RGL1: variants seen among roughly 807,000 people sequenced by gnomAD.
RGL1 encodes the protein ral guanine nucleotide dissociation stimulator-like 1.
A neutral mutation model predicts 95.2 loss-of-function variants in RGL1; 24 were observed. That is an observed-to-expected ratio of 0.25 (90% CI 0.18 to 0.35). The LOEUF is 0.35. Ranked by LOEUF, RGL1 falls within the 10% of genes least tolerant of loss-of-function variation. RGL1 has a pLI of 1.00. For synonymous variants in RGL1, 329 were observed against 344.9 expected, an observed-to-expected ratio of 0.95 and a Z score of 0.51; for missense variants, 715 against 936.3, an observed-to-expected ratio of 0.76 and a Z score of 3.08.
intron 2 of RGL1, among the ~76,000 whole-genome samples, chr1:183,823,913 G>A (rs969624337): frequency 2.6e-5 from 4 of 152,000 alleles, no homozygotes; most frequent in Admixed American, 6.6e-5. Flanking sequence ...CAGCCTCCTG[G>A]ATGGCTAGGA....
chr1:183,685,966 A>T (rs1315549492), intron 1 of RGL1, among the ~76,000 whole-genome samples: 1 of 152,192 alleles, frequency 6.6e-6, no homozygotes, highest in Non-Finnish European at 1.5e-5. Flanking sequence ...ATATTTATTC[A>T]ATTCATATTT....
intron 2 of RGL1, among the ~76,000 whole-genome samples, chr1:183,756,136 C>T (rs113394898): frequency 4.0e-5 from 6 of 151,594 alleles, no homozygotes; most frequent in African/African-American, 1.2e-4. Flanking sequence ...CCACCCGTCT[C>T]GGCCTCCCAA....
chr1:183,695,531 G>A (rs903816505), intron 1 of RGL1, among the ~76,000 whole-genome samples: 2 of 152,202 alleles, frequency 1.3e-5, no homozygotes, highest in African/African-American at 4.8e-5. Flanking sequence ...GCTATGGAAT[G>A]TATATTTTAT....
intron 1 of RGL1, among the ~76,000 whole-genome samples, chr1:183,675,440 T>C (rs1265839333): frequency 1.4e-5 from 2 of 141,706 alleles, no homozygotes; most frequent in Non-Finnish European, 3.1e-5. Context: ...TTGGAACATA[T>C]CTAAGGCTTT....
chr1:183,781,036 G>A (rs1356862430), intron 2 of RGL1, among the ~76,000 whole-genome samples: 2 of 152,118 alleles, frequency 1.3e-5, no homozygotes, highest in Non-Finnish European at 2.9e-5. Flanking sequence ...CCTTTCCATT[G>A]GCCAGAGGGA....
chr1:183,665,857 C>T (rs1651988585), intron 1 of RGL1, among the ~76,000 whole-genome samples: 1 of 151,968 alleles, frequency 6.6e-6, no homozygotes, highest in Admixed American at 6.6e-5. Flanking sequence ...TGATTTTCTC[C>T]ATTGTTTTTC....
intron 2 of RGL1, among the ~76,000 whole-genome samples, chr1:183,820,059 T>A (rs1057439981): frequency 6.6e-6 from 1 of 152,122 alleles, no homozygotes; most frequent in African/African-American, 2.4e-5. Flanking sequence ...AGTGCTGGGA[T>A]TACAGGCGTG....
chr1:183,694,515 G>A (rs1390772654), intron 1 of RGL1, among the ~76,000 whole-genome samples: 1 of 152,128 alleles, frequency 6.6e-6, no homozygotes, highest in Non-Finnish European at 1.5e-5. Context: ...GCCAACCCTA[G>A]TCACAACCCT....
chr1:183,861,919 C>G (rs1665532927), intron 3 of RGL1, among the ~76,000 whole-genome samples: 1 of 152,192 alleles, frequency 6.6e-6, no homozygotes, highest in Non-Finnish European at 1.5e-5. Context: ...AGGAAAACAT[C>G]AAAGGAACCT....
At position 183,899,598 on chromosome 1, in the gene RGL1, C is replaced by T. The variant is rs181799271; in HGVS notation, c.1231-552C>T. 4.1e-3 allele frequency among the ~76,000 whole-genome samples: 631 copies of T among 152,298 alleles called. 6 individuals carry two copies. Among genetic ancestry groups the T allele is most frequent in the African/African-American group, 0.014 (569 of 41,552 alleles). On this transcript the variant is annotated intron_variant, in intron 10 of 17. Coordinates refer to ENST00000360851, the MANE Select transcript of RGL1 (RefSeq NM_001297671.3). The stretch of plus-strand genomic sequence containing the variant: ...ATCTGGTGTCATGTTGATGGTGACA[C>T]GAATGATGTTGATCTTTATTACTTG...
chr1:183,884,471 T>TAAA (rs1667003322), intron 6 of RGL1, among the ~76,000 whole-genome samples: 1 of 152,206 alleles, frequency 6.6e-6, no homozygotes, highest in Non-Finnish European at 1.5e-5. Context: ...GTGGTGGCTT[T>TAAA]AGCTCTTCTG....
chr1:183,832,966 G>T (rs868825088), intron 2 of RGL1, among the ~76,000 whole-genome samples: 46 of 152,244 alleles, frequency 3.0e-4, no homozygotes, highest in African/African-American at 1.1e-3. Flanking sequence ...CAACCAGCTG[G>T]AAGAGTAATG....
intron 4 of RGL1, among the ~76,000 whole-genome samples, chr1:183,878,437 A>G (rs1572542792): frequency 1.3e-5 from 2 of 152,230 alleles, no homozygotes; most frequent in East Asian, 3.9e-4. Flanking sequence ...GGCTCAAGCA[A>G]TAATCCTGTC....
At chr1:183,752,706 T>TCTCTCTCTCTCTCTCTATC (rs58775038) in intron 2 of RGL1, among the ~76,000 whole-genome samples, 1 of 110,146 alleles carries the variant, frequency 9.1e-6, no homozygotes, top group African/African-American at 3.9e-5. Context: ...CTCTCTCTCT[T>TCTCTCTCTCTCTCTCTATC]TCCCCTTTCC....
At chr1:183,821,057 C>T (rs1432812077) in intron 2 of RGL1, among the ~76,000 whole-genome samples, 1 of 152,020 alleles carries the variant, frequency 6.6e-6, no homozygotes, top group Non-Finnish European at 1.5e-5. Context: ...TGCTTGTACC[C>T]AAGAGGCAGA....
At chr1:183,744,163 A>G (rs1329526779) in intron 2 of RGL1, among the ~76,000 whole-genome samples, 1 of 152,206 alleles carries the variant, frequency 6.6e-6, no homozygotes, top group Non-Finnish European at 1.5e-5. Flanking sequence ...CCAACTCCTC[A>G]CTACAGTTGT....
chr1:183,659,512 G>T (rs1651451855), intron 1 of RGL1, among the ~76,000 whole-genome samples: 2 of 152,168 alleles, frequency 1.3e-5, no homozygotes, highest in African/African-American at 4.8e-5. Context: ...AGAGAAAAAA[G>T]AATAAAAAGA....
At chr1:183,716,282 A>C (rs1193494510) in intron 1 of RGL1, among the ~76,000 whole-genome samples, 1 of 152,172 alleles carries the variant, frequency 6.6e-6, no homozygotes, top group Non-Finnish European at 1.5e-5. Flanking sequence ...CACAGATAAA[A>C]ACTGTATGTT....
chr1:183,792,810 AC>A (rs1482864080), intron 2 of RGL1, among the ~76,000 whole-genome samples: 1 of 152,166 alleles, frequency 6.6e-6, no homozygotes. Flanking sequence ...GAGAACACAA[AC>A]AAAGGAAAGA....
Sources: gnomAD v4.1 joint callset for allele counts (sites outside exome capture counted in the v4.1 genomes callset) on GRCh38, gnomAD v4.1.1 for gene constraint, MANE v1.5 for transcripts, NCBI Gene and HGNC (gene_info 2026-07-23, HGNC 2026-07-21) for gene names.